The following MALRD1 variants were observed in gnomAD, a reference collection of about 807,000 sequenced individuals.
MALRD1 encodes MAM and LDL receptor class A domain containing 1.
A neutral mutation model predicts 242.1 loss-of-function variants in MALRD1; 247 were observed. The observed-to-expected ratio is 1.02, with a 90% CI of 0.92 to 1.13. The LOEUF is 1.13. Ranked by LOEUF, MALRD1 falls within the 50% of genes most tolerant of loss-of-function variation. The probability of loss-of-function intolerance (pLI) is 0.00; values close to 1 mark genes in which losing one functional copy is unlikely to be tolerated. For synonymous variants in MALRD1, 995 were observed against 866.6 expected, an observed-to-expected ratio of 1.15 and a Z score of -2.60; for missense variants, 2,989 against 2,533.1, an observed-to-expected ratio of 1.18 and a Z score of -3.86.
intron 27 of MALRD1, 123 bp downstream of exon 27, chr10:19,387,896 A>G: frequency 2.4e-6 from 3 of 1,241,822 alleles, no homozygotes; most frequent in South Asian, 3.2e-5. Context: ...AAGGCGATCA[A>G]ACATTTAGTG....
At chr10:19,697,431 G>T (rs1833430089) in intron 38 of MALRD1, among the ~76,000 whole-genome samples, 1 of 144,064 alleles carries the variant, frequency 6.9e-6, no homozygotes. Context: ...CTTAATTAAA[G>T]TCAACTGATT....
chr10:19,663,174 T>C (rs1589373980), intron 36 of MALRD1, among the ~76,000 whole-genome samples: 1 of 152,244 alleles, frequency 6.6e-6, no homozygotes, highest in East Asian at 1.9e-4. Flanking sequence ...TCACCCCTCT[T>C]CCACCCTTTC....
At chr10:19,670,830 A>G (rs1189002672) in intron 36 of MALRD1, among the ~76,000 whole-genome samples, 3 of 152,050 alleles carry the variant, frequency 2.0e-5, no homozygotes, top group Non-Finnish European at 2.9e-5. Flanking sequence ...CTAGCTTTCA[A>G]TAAATATTTT....
intron 33 of MALRD1, among the ~76,000 whole-genome samples, chr10:19,580,061 A>G (rs1298674165): frequency 1.3e-5 from 2 of 152,188 alleles, no homozygotes; most frequent in African/African-American, 2.4e-5. Flanking sequence ...GGAAATGATT[A>G]AACAGGAATG....
intron 28 of MALRD1, among the ~76,000 whole-genome samples, chr10:19,442,810 G>C (rs1466772286): frequency 1.3e-5 from 2 of 152,120 alleles, no homozygotes; most frequent in African/African-American, 2.4e-5. Flanking sequence ...CCAGGCTTTG[G>C]TATCAGGATG....
intron 36 of MALRD1, among the ~76,000 whole-genome samples, chr10:19,642,796 C>T (rs1840452841): frequency 6.6e-6 from 1 of 151,992 alleles, no homozygotes; most frequent in East Asian, 1.9e-4. Context: ...AAGATTATTG[C>T]ATCTATGTAT....
At chr10:19,538,318 T>G (rs1242056221) in intron 32 of MALRD1, among the ~76,000 whole-genome samples, 2 of 152,174 alleles carry the variant, frequency 1.3e-5, no homozygotes, top group African/African-American at 4.8e-5. Context: ...ATCAATATCC[T>G]TCAATTAAAG....
intron 24 of MALRD1, among the ~76,000 whole-genome samples, chr10:19,333,001 A>AT (rs1186121467): frequency 6.6e-6 from 1 of 152,206 alleles, no homozygotes. Context: ...TCCTAATGCT[A>AT]TCCCTCCCCT....
intron 21 of MALRD1, among the ~76,000 whole-genome samples, chr10:19,304,799 A>T (rs888389115): frequency 6.6e-6 from 1 of 151,728 alleles, no homozygotes; most frequent in African/African-American, 2.4e-5. Flanking sequence ...GAAGCTTCAT[A>T]TTTAGCTTGT....
At chr10:19,559,173 A>G (rs1236313537) in intron 32 of MALRD1, among the ~76,000 whole-genome samples, 1 of 151,694 alleles carries the variant, frequency 6.6e-6, no homozygotes. Context: ...ACAGAACAAG[A>G]CTCTGTCTCA....
intron 18 of MALRD1, among the ~76,000 whole-genome samples, chr10:19,234,039 GC>G (rs1838195921): frequency 6.6e-6 from 1 of 151,874 alleles, no homozygotes; most frequent in Admixed American, 6.6e-5. Context: ...ATTTTTTAAA[GC>G]CCTGGGAAGC....
intron 19 of MALRD1, among the ~76,000 whole-genome samples, chr10:19,276,842 A>T (rs1464878149): frequency 6.8e-6 from 1 of 147,744 alleles, no homozygotes; most frequent in African/African-American, 2.5e-5. Flanking sequence ...TGGTGTTGTC[A>T]TTGGCTTTCT....
chr10:19,139,377 GT>G (rs1013844212), intron 10 of MALRD1, among the ~76,000 whole-genome samples: 15 of 152,074 alleles, frequency 9.9e-5, no homozygotes, highest in African/African-American at 3.6e-4. Flanking sequence ...GTAATATCAA[GT>G]TTTTTTCATA....
intron 32 of MALRD1, among the ~76,000 whole-genome samples, chr10:19,546,706 T>C (rs1212371517): frequency 6.6e-6 from 1 of 152,242 alleles, no homozygotes; most frequent in Non-Finnish European, 1.5e-5. Flanking sequence ...GTTCTGTTTA[T>C]GTATTTTCAT....
chr10:19,190,166 A>T, intron 14 of MALRD1, among the ~76,000 whole-genome samples: 1 of 152,066 alleles, frequency 6.6e-6, no homozygotes, highest in East Asian at 1.9e-4. Context: ...ATTAGCAATG[A>T]ACCATCCAAA....
intron 33 of MALRD1, among the ~76,000 whole-genome samples, chr10:19,576,889 T>C (rs11818155): frequency 0.04 from 6,152 of 152,076 alleles, 380 homozygotes; most frequent in African/African-American, 0.13. Flanking sequence ...TAGTATATCT[T>C]ATAAGGTATT....
chr10:19,306,525 C>T (rs1317238166), intron 21 of MALRD1, among the ~76,000 whole-genome samples: 2 of 143,100 alleles, frequency 1.4e-5, no homozygotes, highest in East Asian at 2.1e-4. Flanking sequence ...TATATAGTGT[C>T]GTATATATAC....
rs192576200 is a variant in MALRD1 at position 19,147,500 on chromosome 10, G to A, written c.1558+1156G>A. Among the ~76,000 whole-genome samples the A allele has an allele frequency of 3.1e-4, 47 of 152,212 alleles. 1 individual carries two copies. The highest frequency in any genetic ancestry group is 1.4e-3 in the Admixed American group (22 of 15,292). On this transcript the variant is annotated intron_variant, in intron 11 of 39. Transcript: ENST00000454679. ...TAAGTTTAAAGTTTAAAATAGAAAG[G>A]GGACTATAAATCATTGTAACTATGT...
chr10:19,457,470 G>A (rs1835719249), intron 29 of MALRD1, among the ~76,000 whole-genome samples: 1 of 152,088 alleles, frequency 6.6e-6, no homozygotes, highest in African/African-American at 2.4e-5. Flanking sequence ...CAGGGTGGAT[G>A]TAATCTCATC....
Sources: allele counts gnomAD v4.1 joint callset (sites outside exome capture counted in the v4.1 genomes callset), GRCh38; gene constraint gnomAD v4.1.1; transcripts MANE v1.5; gene names NCBI Gene and HGNC (gene_info 2026-07-23, HGNC 2026-07-21).